Variants in TTC6 observed in about 807,000 individuals in gnomAD.
The protein encoded by TTC6 is tetratricopeptide repeat domain 6.
Under a neutral mutation model 210.4 loss-of-function variants are expected in TTC6, and 172 were observed. The observed-to-expected ratio is 0.82, with a 90% confidence interval of 0.72 to 0.93. The LOEUF is 0.93. TTC6 is among the 40% of genes least tolerant of loss of function. TTC6 has a pLI of 0.00. For synonymous variants in TTC6, 804 were observed against 819.6 expected (o/e 0.98, Z 0.32); for missense variants, 2,414 against 2,318.1 (o/e 1.04, Z -0.85).
At chr14:37,633,114 C>T (rs1024550160) in intron 1 of TTC6, among the ~76,000 whole-genome samples, 2 of 152,156 alleles carry the variant, frequency 1.3e-5, no homozygotes, top group South Asian at 2.1e-4. Flanking sequence ...CTTCAGCCCC[C>T]TTTCTAGGGG....
At chr14:37,800,278 G>A (rs2096103337) in intron 20 of TTC6, among the ~76,000 whole-genome samples, 1 of 152,144 alleles carries the variant, frequency 6.6e-6, no homozygotes, top group Admixed American at 6.5e-5. Flanking sequence ...TTCTCATTTA[G>A]TTGTATGGAA....
At chr14:37,765,146 T>A (rs1435514005) in intron 14 of TTC6, among the ~76,000 whole-genome samples, 2 of 151,864 alleles carry the variant, frequency 1.3e-5, no homozygotes, top group Admixed American at 6.6e-5. Flanking sequence ...TTGTTGCAAA[T>A]TACATCTTTA....
chr14:37,724,843 T>C (rs2095868503), intron 6 of TTC6, 55 bp from the exon 9 acceptor site: 12 of 1,066,640 alleles, frequency 1.1e-5, no homozygotes, highest in Non-Finnish European at 1.5e-5. Flanking sequence ...ATTGAGTTTT[T>C]ACTCTCAAGG....
intron 1 of TTC6, among the ~76,000 whole-genome samples, chr14:37,674,746 A>G (rs1367604561): frequency 6.6e-6 from 1 of 152,148 alleles, no homozygotes; most frequent in African/African-American, 2.4e-5. Context: ...AATGTTGAAT[A>G]AAGCGCATTA....
intron 1 of TTC6, among the ~76,000 whole-genome samples, chr14:37,656,741 A>G (rs1048574935): frequency 6.6e-6 from 1 of 152,100 alleles, no homozygotes. Context: ...GAAAGGAGAG[A>G]CATCAAGGAT....
At chr14:37,671,805 T>G (rs2095758733) in intron 1 of TTC6, among the ~76,000 whole-genome samples, 1 of 152,226 alleles carries the variant, frequency 6.6e-6, no homozygotes, top group South Asian at 2.1e-4. Context: ...GATTGGATTA[T>G]GGGGGCGGTT....
intron 5 of TTC6, among the ~76,000 whole-genome samples, chr14:37,709,608 A>G (rs1179174909): frequency 6.6e-6 from 1 of 151,688 alleles, no homozygotes; most frequent in Non-Finnish European, 1.5e-5. Flanking sequence ...AAGCAGTATC[A>G]TTCCACCAGA....
chr14:37,632,030 G>A (rs139579631), intron 1 of TTC6, among the ~76,000 whole-genome samples: 447 of 152,028 alleles, frequency 2.9e-3, no homozygotes, highest in African/African-American at 0.01. Flanking sequence ...TTTTTTCAAG[G>A]CTCTTAGCTT....
intron 14 of TTC6, among the ~76,000 whole-genome samples, chr14:37,777,654 C>G (rs1312855880): frequency 6.6e-6 from 1 of 151,924 alleles, no homozygotes; most frequent in East Asian, 1.9e-4. Flanking sequence ...TGAATGCGGT[C>G]ATTTGGAGGT....
In TTC6 at chr14:37,670,474, C is replaced by CCTTTTTTTT. The variant is rs532690678; in HGVS notation, c.940-9677_940-9676insCTTTTTTTT. ...TAAGGATCTAGCACAAACTACCTCA[C>CCTTTTTTTT]TTTTTTTTTTTTTTTTTTTTTAGTC... On this transcript the variant is annotated intron_variant, in intron 1 of 30. Transcript: ENST00000553443. Among the ~76,000 whole-genome samples, 380 of 121,312 alleles carry CCTTTTTTTT rather than the reference C, an allele frequency of 3.1e-3. 29 individuals are homozygous for CCTTTTTTTT. Among genetic ancestry groups the CCTTTTTTTT allele is most frequent in the South Asian group, 4.9e-3 (17 of 3,492 alleles). The allele number at this position is 121,312 out of a possible 152,430, so 79.6% of individuals were successfully genotyped here.
chr14:37,630,429 A>T (rs2095667374), intron 1 of TTC6, among the ~76,000 whole-genome samples: 1 of 152,152 alleles, frequency 6.6e-6, no homozygotes, highest in Admixed American at 6.5e-5. Context: ...ATTTGATTGC[A>T]GTGTTGTTTG....
At chr14:37,826,341 C>T in exon 28 of TTC6, 1 of 1,595,616 alleles carries the variant, frequency 6.3e-7, no homozygotes, top group Non-Finnish European at 8.5e-7. Context: ...TTAATGCTGC[C>T]ATGAAGGTAA....
At chr14:37,682,849 T>C (rs1295757212) in exon 3 of TTC6, 2 of 1,535,510 alleles carry the variant, frequency 1.3e-6, no homozygotes, top group Non-Finnish European at 1.7e-6. Flanking sequence ...GCAGAAAGCA[T>C]AGTATTTAAA....
chr14:37,614,358 T>C (rs1441847980), intron 2 of TTC6, among the ~76,000 whole-genome samples: 1 of 152,170 alleles, frequency 6.6e-6, no homozygotes, highest in East Asian at 1.9e-4. Context: ...TGTACAACCA[T>C]ATAGTTCCTT....
intron 7 of TTC6, among the ~76,000 whole-genome samples, chr14:37,735,341 C>G (rs779146609): frequency 7.9e-5 from 12 of 152,082 alleles, no homozygotes; most frequent in Non-Finnish European, 7.4e-5. Context: ...GAATTTAGGT[C>G]TTCTAGGTTT....
At chr14:37,743,853 C>G (rs1004562931) in intron 10 of TTC6, among the ~76,000 whole-genome samples, 46 of 152,080 alleles carry the variant, frequency 3.0e-4, no homozygotes, top group African/African-American at 1.0e-3. Flanking sequence ...TCAGATGATA[C>G]AGAAAAGTCA....
intron 14 of TTC6, among the ~76,000 whole-genome samples, chr14:37,759,044 G>A (rs1006457059): frequency 2.0e-5 from 3 of 152,048 alleles, no homozygotes; most frequent in Admixed American, 1.3e-4. Context: ...AGGCCAAGGT[G>A]GGCAGATCAT....
At chr14:37,686,466 A>G (rs923607655) in intron 3 of TTC6, among the ~76,000 whole-genome samples, 4 of 152,200 alleles carry the variant, frequency 2.6e-5, no homozygotes, top group Admixed American at 1.3e-4. Flanking sequence ...AGTACATGGA[A>G]GTCTCGTGGA....
chr14:37,838,901 G>A (rs2096203971), intron 29 of TTC6, among the ~76,000 whole-genome samples: 1 of 152,130 alleles, frequency 6.6e-6, no homozygotes, highest in African/African-American at 2.4e-5. Context: ...AGAACATGCG[G>A]TGTTTGGTTT....
Sources: allele counts gnomAD v4.1 joint callset (sites outside exome capture counted in the v4.1 genomes callset), GRCh38; gene constraint gnomAD v4.1.1; transcripts MANE v1.5; gene names NCBI Gene and HGNC (gene_info 2026-07-23, HGNC 2026-07-21).